The following COL24A1 variants were observed in gnomAD, a reference collection of about 807,000 sequenced individuals.
COL24A1 encodes collagen type XXIV alpha 1 chain.
A neutral mutation model predicts 253.9 loss-of-function variants in COL24A1; 224 were observed. The observed-to-expected ratio is 0.88, with a 90% CI of 0.79 to 0.99. The LOEUF is 0.99. Among genes scored for constraint, COL24A1 ranks in the 50% least tolerant of loss-of-function variants. The probability of loss-of-function intolerance (pLI) is 0.00; values close to 1 mark genes in which losing one functional copy is unlikely to be tolerated. For missense variants in COL24A1, 2,131 were observed against 2,068.5 expected, an observed-to-expected ratio of 1.03 and a Z score of -0.59; for synonymous variants, 685 against 673.7, an observed-to-expected ratio of 1.02 and a Z score of -0.26.
chr1:86,005,173 T>A (rs500756), intron 19 of COL24A1, among the ~76,000 whole-genome samples: 27,647 of 152,038 alleles, frequency 0.18, 3,199 homozygotes, highest in African/African-American at 0.32. Flanking sequence ...ATTAACACAG[T>A]CAGATCACGT....
chr1:85,789,367 TGTTGGTGTATGG>T (rs1213352135), intron 47 of COL24A1, among the ~76,000 whole-genome samples: 1 of 152,182 alleles, frequency 6.6e-6, no homozygotes, highest in Non-Finnish European at 1.5e-5. Flanking sequence ...GCTTGTCTGC[TGTTGGTGTATGG>T]GAATGCTTGT....
At chr1:85,999,301 G>T (rs1695168831) in intron 19 of COL24A1, among the ~76,000 whole-genome samples, 1 of 152,124 alleles carries the variant, frequency 6.6e-6, no homozygotes, top group African/African-American at 2.4e-5. Flanking sequence ...CTGGTGAACA[G>T]TTTCAGGTTT....
chr1:86,032,095 A>G (rs1258646849), intron 13 of COL24A1, among the ~76,000 whole-genome samples, 173 bp from the exon 14 acceptor site: 2 of 152,136 alleles, frequency 1.3e-5, no homozygotes, highest in African/African-American at 4.8e-5. Context: ...GCACAAACCT[A>G]TGGTGGCCAT....
At chr1:86,117,404 A>G (rs1258197610) in intron 3 of COL24A1, among the ~76,000 whole-genome samples, 1 of 152,220 alleles carries the variant, frequency 6.6e-6, no homozygotes, top group Non-Finnish European at 1.5e-5. Flanking sequence ...CAACTACCAA[A>G]CATGCCAGCA....
Position 86,069,657 on chromosome 1 carries a change from A to AAGAGAGAG in COL24A1, c.1708-5906_1708-5899dup, listed in dbSNP as rs142284997. On this transcript the variant is annotated intron_variant, in intron 7 of 59. Transcript: ENST00000370571. ...ACCCACAGTTCCAGCTGGCCCAGCA[A>AAGAGAGAG]AGAGAGAGAGAGAGAGGAGAGACTC... is the stretch of plus-strand genomic sequence containing the variant. Among the ~76,000 whole-genome samples the AAGAGAGAG allele has an allele frequency of 2.8e-3, 416 of 150,738 alleles. 4 individuals are homozygous for AAGAGAGAG. Among genetic ancestry groups the AAGAGAGAG allele is most frequent in the Middle Eastern group, 6.8e-3 (2 of 292 alleles).
intron 5 of COL24A1, among the ~76,000 whole-genome samples, chr1:86,095,354 T>A (rs1703820488): frequency 6.6e-6 from 1 of 152,080 alleles, no homozygotes; most frequent in Non-Finnish European, 1.5e-5. Flanking sequence ...ATATGTCAAA[T>A]TTCTCTTTGT....
At chr1:86,118,429 A>T (rs953416565) in intron 3 of COL24A1, among the ~76,000 whole-genome samples, 2 of 152,192 alleles carry the variant, frequency 1.3e-5, no homozygotes, top group African/African-American at 4.8e-5. Flanking sequence ...TATTATTATT[A>T]CTAGGATAAT....
At chr1:85,906,258 C>A (rs1684804034) in intron 28 of COL24A1, among the ~76,000 whole-genome samples, 1 of 10,908 alleles carries the variant, frequency 9.2e-5, no homozygotes, top group African/African-American at 4.0e-4. Flanking sequence ...TGGAAAACTG[C>A]AAGGTCTTTT....
chr1:86,099,699 C>A (rs1704278360), intron 5 of COL24A1, among the ~76,000 whole-genome samples: 1 of 152,172 alleles, frequency 6.6e-6, no homozygotes, highest in East Asian at 1.9e-4. Flanking sequence ...CACTTCTCAC[C>A]ACCTCAACTG....
At chr1:85,954,412 G>A (rs1304536391) in intron 24 of COL24A1, among the ~76,000 whole-genome samples, 1 of 152,158 alleles carries the variant, frequency 6.6e-6, no homozygotes, top group African/African-American at 2.4e-5. Flanking sequence ...GAGGAAGCAG[G>A]ATGATGGGGA....
At chr1:86,109,807 C>T (rs931988934) in intron 5 of COL24A1, among the ~76,000 whole-genome samples, 1 of 152,156 alleles carries the variant, frequency 6.6e-6, no homozygotes, top group Non-Finnish European at 1.5e-5. Flanking sequence ...ATGTTTTTCC[C>T]TTCAAAATTT....
intron 18 of COL24A1, among the ~76,000 whole-genome samples, chr1:86,021,407 C>T (rs1459879509): frequency 3.3e-5 from 5 of 152,032 alleles, no homozygotes; most frequent in African/African-American, 9.7e-5. Flanking sequence ...AGTAGCTAAA[C>T]GCATGAGCTC....
intron 10 of COL24A1, among the ~76,000 whole-genome samples, chr1:86,055,653 C>A (rs1268467036): frequency 2.6e-5 from 4 of 152,124 alleles, no homozygotes; most frequent in Non-Finnish European, 5.9e-5. Flanking sequence ...ATTATAGAAT[C>A]TATATAGTAA....
At position 86,125,711 on chromosome 1, in the gene COL24A1, T is replaced by C; in HGVS notation, c.625A>G (p.Asn209Asp). 6.2e-7 allele frequency: 1 copy of C among 1,610,172 alleles called. No homozygotes were observed. Among genetic ancestry groups the C allele is most frequent in the Non-Finnish European group, 8.5e-7 (1 of 1,177,752 alleles). The change falls in exon 3 of 60, where the codon AAT becomes GAT. Residue 209 changes from asparagine (N) to aspartate (D), a missense_variant. Physicochemically the swap from Asn to Asp is conservative, Grantham distance 23. Coordinates refer to ENST00000370571, the MANE Select transcript of COL24A1 (RefSeq NM_152890.7). ...CCTTCAAAATGGATAGAATTATTATTCATACTTCCTAAAGTAAACACACTA... is the reference window on the plus strand; with the variant it reads ...CCTTCAAAATGGATAGAATTATTATCCATACTTCCTAAAGTAAACACACTA... ...SNSVFTLGSM[N>D]NNSIHFEGIV...
chr1:86,038,691 C>T (rs150369407), intron 12 of COL24A1, among the ~76,000 whole-genome samples: 5 of 152,246 alleles, frequency 3.3e-5, no homozygotes, highest in Non-Finnish European at 7.4e-5. Flanking sequence ...TATCACCTTG[C>T]TGTAGTATCT....
intron 37 of COL24A1, among the ~76,000 whole-genome samples, chr1:85,858,977 G>T (rs1261786243): frequency 2.0e-5 from 3 of 151,996 alleles, no homozygotes; most frequent in Non-Finnish European, 4.4e-5. Context: ...GGCCCAAGTG[G>T]TCCTCCCGTC....
intron 2 of COL24A1, among the ~76,000 whole-genome samples, chr1:86,133,022 T>C (rs1238584186): frequency 6.6e-6 from 1 of 152,168 alleles, no homozygotes; most frequent in Non-Finnish European, 1.5e-5. Flanking sequence ...TTCCATTTTT[T>C]GTATCCTCTT....
intron 24 of COL24A1, among the ~76,000 whole-genome samples, chr1:85,953,319 T>A (rs528813865): frequency 6.6e-6 from 1 of 152,298 alleles, no homozygotes; most frequent in Non-Finnish European, 1.5e-5. Flanking sequence ...CACTTTATAA[T>A]ATCCCTACCT....
chr1:85,849,546 T>C, intron 37 of COL24A1, 140 bp from the exon 38 acceptor site: 1 of 680,208 alleles, frequency 1.5e-6, no homozygotes, highest in South Asian at 1.9e-5. Context: ...TTATTAGGTT[T>C]GTATCATTTA....
Sources: gnomAD v4.1 joint callset for allele counts (sites outside exome capture counted in the v4.1 genomes callset) on GRCh38, gnomAD v4.1.1 for gene constraint, MANE v1.5 for transcripts, NCBI Gene and HGNC (gene_info 2026-07-23, HGNC 2026-07-21) for gene names.